The following TMEM167A variants were observed in gnomAD, a reference collection of about 807,000 sequenced individuals.
The protein encoded by TMEM167A is protein kish-A.
TMEM167A carries 8 observed loss-of-function variants against 11.6 expected under a neutral mutation model. The observed-to-expected ratio is 0.69, with a 90% CI of 0.40 to 1.24. The LOEUF is 1.24. Ranked by LOEUF, TMEM167A falls within the 50% of genes most tolerant of loss-of-function variation. TMEM167A has a pLI of 0.01. For synonymous variants in TMEM167A, 22 were observed against 28.0 expected (o/e 0.79, Z 0.67); for missense variants, 62 against 87.0 (o/e 0.71, Z 1.14).
chr5:83,076,927 C>T lies in TMEM167A; in HGVS notation c.3+394G>A, dbSNP rs2075686. ...AGTTTGGTGCCAAAAGAAACTCCCC[C>T]CAAAAATCAAACAATAACACCAGAG... On this transcript the variant is annotated intron_variant, in intron 1 of 3. Transcript: ENST00000502346. Among the ~76,000 whole-genome samples, 3,174 of 152,228 alleles carry T rather than the reference C, an allele frequency of 0.021. 325 individuals carry two copies. In the East Asian group the frequency reaches 0.33, roughly 16 times the overall value.
At position 83,054,416 on chromosome 5, in the gene TMEM167A, G is replaced by A. The variant is rs1178759363; in HGVS notation, c.*2668C>T. On this transcript the variant is annotated 3_prime_UTR_variant, in exon 4 of 4. Transcript: ENST00000502346. ...TCAGCACACAAAAAATACCAGGATA[G>A]ATGGAATCAAAAGACTCTGAAGCCA... 1 of 151,988 alleles carries A rather than the reference G, an allele frequency of 6.6e-6. No individual in the cohort carries two copies. The allele number at this position is 151,988 out of a possible 1,614,324, so 9.4% of individuals were successfully genotyped here. A position where few individuals can be genotyped will look rare whatever the true frequency, so the allele number is the denominator to read the frequency against.
chr5:83,064,917 A>T, intron 2 of TMEM167A, 91 bp downstream of exon 2: 1 of 771,002 alleles, frequency 1.3e-6, no homozygotes, highest in Non-Finnish European at 2.1e-6. Flanking sequence ...AATTACATGT[A>T]GGAATTAAAT....
chr5:83,071,149 C>T (rs1744553373), intron 1 of TMEM167A, among the ~76,000 whole-genome samples: 1 of 152,014 alleles, frequency 6.6e-6, no homozygotes, highest in Non-Finnish European at 1.5e-5. Context: ...TCTTGGATCA[C>T]TTGGGCACTA....
At chr5:83,059,216 A>G (rs527779047) in intron 3 of TMEM167A, among the ~76,000 whole-genome samples, 58 of 152,182 alleles carry the variant, frequency 3.8e-4, no homozygotes, top group African/African-American at 1.3e-3. Context: ...ACATAAAAAT[A>G]GATCATACAA....
At chr5:83,074,478 C>A (rs1411655981) in intron 1 of TMEM167A, among the ~76,000 whole-genome samples, 2 of 152,206 alleles carry the variant, frequency 1.3e-5, no homozygotes, top group Non-Finnish European at 2.9e-5. Flanking sequence ...TCTCTGGAGA[C>A]TCAGTTTAAT....
intron 1 of TMEM167A, 107 bp downstream of exon 1, chr5:83,077,214 C>G (rs1744695141): frequency 6.5e-7 from 1 of 1,548,160 alleles, no homozygotes; most frequent in South Asian, 1.1e-5. Flanking sequence ...CAAGGCCTCT[C>G]AGCTCCGGGC....
intron 1 of TMEM167A, among the ~76,000 whole-genome samples, chr5:83,069,688 T>C (rs1305665569): frequency 6.6e-6 from 1 of 152,098 alleles, no homozygotes; most frequent in Non-Finnish European, 1.5e-5. Flanking sequence ...CACATAACAA[T>C]GTGTATGTTA....
chr5:83,067,162 A>G (rs1019788723), intron 1 of TMEM167A, among the ~76,000 whole-genome samples: 1 of 152,204 alleles, frequency 6.6e-6, no homozygotes, highest in Admixed American at 6.5e-5. Context: ...TGAACCCAAT[A>G]CCAACAAGTT....
At position 83,059,984 on chromosome 5, in the gene TMEM167A, CTT is replaced by C. The variant is rs1381549977; in HGVS notation, c.148+1891_148+1892del. On this transcript the variant is annotated intron_variant, in intron 3 of 3. Coordinates refer to ENST00000502346, the MANE Select transcript of TMEM167A (RefSeq NM_174909.5). Reference sequence around the variant, plus strand: ...TGATACTTATTACAAAAGAAAGACTCTTAGACCTATCACCGTAAGAGAGAACA... The same window carrying C: ...TGATACTTATTACAAAAGAAAGACTCAGACCTATCACCGTAAGAGAGAACA... Among the ~76,000 whole-genome samples, 8 of 115,296 alleles carry C rather than the reference CTT, an allele frequency of 6.9e-5. No individual in the cohort carries two copies. In the East Asian group the frequency reaches 1.7e-3, roughly 24 times the overall value. 75.6% of individuals were successfully genotyped at this position (115,296 alleles called of 152,430 possible). A position where few individuals can be genotyped will look rare whatever the true frequency, so the allele number is the denominator to read the frequency against.
chr5:83,053,159 G>A lies in TMEM167A; in HGVS notation c.*3925C>T, dbSNP rs1242499116. On this transcript the variant is annotated 3_prime_UTR_variant, in exon 4 of 4. Coordinates refer to ENST00000502346, the MANE Select transcript of TMEM167A (RefSeq NM_174909.5). ...CAGCTACATATTTTGAACATCTACT[G>A]TTACTGGATACCAAAGAAAGTGAGT... 2 of 151,910 alleles carry A rather than the reference G, an allele frequency of 1.3e-5. No individual in the cohort carries two copies. Among genetic ancestry groups the A allele is most frequent in the Non-Finnish European group, 2.9e-5 (2 of 67,888 alleles). 9.4% of individuals were successfully genotyped at this position (151,910 alleles called of 1,614,324 possible).
chr5:83,065,553 T>G (rs1383254715), intron 1 of TMEM167A, among the ~76,000 whole-genome samples: 1 of 152,060 alleles, frequency 6.6e-6, no homozygotes, highest in Non-Finnish European at 1.5e-5. Context: ...AGGTTGAACA[T>G]CTCTAATCCA....
At chr5:83,057,248 T>A in intron 3 of TMEM167A, 94 bp from the exon 4 acceptor site, 1 of 1,235,414 alleles carries the variant, frequency 8.1e-7, no homozygotes, top group Admixed American at 1.8e-5. Flanking sequence ...GATAACATTC[T>A]TCCCTAGGAG....
rs961954192 is a variant in TMEM167A at position 83,071,602 on chromosome 5, A to C, written c.3+5719T>G. On this transcript the variant is annotated intron_variant, in intron 1 of 3. Transcript: ENST00000502346. ...AAACACACATATATATAATTTGCCC[A>C]AAAAAAGTGACCAGAATTGGTTGAA... Among the ~76,000 whole-genome samples the C allele has an allele frequency of 2.0e-5, 3 of 152,314 alleles. No individual in the cohort carries two copies. In the East Asian group the frequency reaches 5.8e-4, roughly 29 times the overall value.
intron 3 of TMEM167A, among the ~76,000 whole-genome samples, chr5:83,057,757 A>C (rs767441354): frequency 3.9e-5 from 6 of 152,104 alleles, no homozygotes; most frequent in Non-Finnish European, 8.8e-5. Flanking sequence ...AGTAGAACTA[A>C]AACTAACCAC....
Position 83,061,922 on chromosome 5 carries a change from T to C in TMEM167A, c.114-11A>G. The C allele has an allele frequency of 6.2e-7, 1 of 1,609,470 alleles. No homozygotes were observed. The highest frequency in any genetic ancestry group is 1.1e-5 in the South Asian group (1 of 90,766). On this transcript the variant is annotated splice_polypyrimidine_tract_variant and intron_variant, in intron 2 of 3. Transcript: ENST00000502346. The stretch of plus-strand genomic sequence containing the variant: ...AATATACCCAACAATCTGCATAGAA[T>C]AAAAAAAGAAAAAAAGTAGCTATTG...
chr5:83,067,230 G>A (rs1336241428), intron 1 of TMEM167A, among the ~76,000 whole-genome samples: 1 of 144,154 alleles, frequency 6.9e-6, no homozygotes, highest in African/African-American at 2.5e-5. Context: ...GGCAAGAATA[G>A]CCAGGAGAAT....
In TMEM167A at chr5:83,054,823, CT is replaced by C. The variant is rs1744305674; in HGVS notation, c.*2260del. ...TATATAACAACCTGCACATGTACCC[CT>C]GAACCTAAAAGTTAAAAAAATAAAA... On this transcript the variant is annotated 3_prime_UTR_variant, in exon 4 of 4. Transcript: ENST00000502346. 6.6e-6 allele frequency: 1 copy of C among 151,732 alleles called. No homozygotes were observed. The highest frequency in any genetic ancestry group is 1.5e-5 in the Non-Finnish European group (1 of 67,830). The allele number at this position is 151,732 out of a possible 1,614,324, so 9.4% of individuals were successfully genotyped here.
intron 1 of TMEM167A, 30 bp downstream of exon 1, chr5:83,077,291 C>A: frequency 6.2e-7 from 1 of 1,614,218 alleles, no homozygotes; most frequent in South Asian, 1.1e-5. Flanking sequence ...TCTCGAAGAT[C>A]AACCGCGACC....
intron 3 of TMEM167A, among the ~76,000 whole-genome samples, chr5:83,061,472 T>A (rs1744405243): frequency 6.6e-6 from 1 of 152,202 alleles, no homozygotes; most frequent in African/African-American, 2.4e-5. Context: ...CACAGTGGTG[T>A]GATCTGGCTC....
Sources: allele counts gnomAD v4.1 joint callset (sites outside exome capture counted in the v4.1 genomes callset), GRCh38; gene constraint gnomAD v4.1.1; transcripts MANE v1.5; gene names NCBI Gene and HGNC (gene_info 2026-07-23, HGNC 2026-07-21).